BLZF1: variants seen among roughly 807,000 people sequenced by gnomAD.
The protein encoded by BLZF1 is golgin-45.
Under a neutral mutation model 43.8 loss-of-function variants are expected in BLZF1, and 39 were observed. The ratio of observed to expected loss-of-function variants is 0.89; its 90% CI spans 0.69 to 1.16. The LOEUF (loss-of-function observed/expected upper bound fraction) is 1.16, where lower values mean the gene tolerates loss of function less well. BLZF1 is among the 50% of genes most tolerant of loss of function. The probability of loss-of-function intolerance (pLI) is 0.00; values close to 1 mark genes in which losing one functional copy is unlikely to be tolerated. For synonymous variants in BLZF1, 136 were observed against 159.4 expected, an observed-to-expected ratio of 0.85 and a Z score of 1.11; for missense variants, 449 against 469.8, an observed-to-expected ratio of 0.96 and a Z score of 0.41.
chr1:169,394,535 C>T (rs1210697547), intron 7 of BLZF1, among the ~76,000 whole-genome samples: 1 of 152,106 alleles, frequency 6.6e-6, no homozygotes, highest in Non-Finnish European at 1.5e-5. Context: ...CATGAATACA[C>T]AATGTTTAGC....
At chr1:169,383,302 C>T (rs1294254222) in intron 6 of BLZF1, among the ~76,000 whole-genome samples, 2 of 152,180 alleles carry the variant, frequency 1.3e-5, no homozygotes, top group African/African-American at 4.8e-5. Flanking sequence ...TGTCCTTCCT[C>T]TTCTCCTAAG....
At chr1:169,390,598 G>A (rs888259599), downstream of BLZF1, among the ~76,000 whole-genome samples, 1 of 152,116 alleles carries the variant, frequency 6.6e-6, no homozygotes, top group African/African-American at 2.4e-5. Flanking sequence ...CTCTCATGGT[G>A]CTACAAAGAA....
chr1:169,383,367 T>C (rs906135085), intron 6 of BLZF1, among the ~76,000 whole-genome samples: 5 of 152,212 alleles, frequency 3.3e-5, no homozygotes, highest in African/African-American at 1.2e-4. Flanking sequence ...CTTCTCTCTG[T>C]TGGCTCTTTC....
chr1:169,395,181 T>C (rs755917584), intron 7 of BLZF1: 13 of 1,611,998 alleles, frequency 8.1e-6, no homozygotes, highest in Non-Finnish European at 3.4e-6. Flanking sequence ...TCTGCCATTT[T>C]TTCCATCCGT....
downstream of BLZF1, among the ~76,000 whole-genome samples, chr1:169,389,305 A>G (rs917793604): frequency 1.3e-5 from 2 of 151,904 alleles, no homozygotes; most frequent in African/African-American, 4.8e-5. Flanking sequence ...AAAAAAAAAC[A>G]AAAACAAAAA....
At chr1:169,368,666 T>C (rs1653990923) in intron 1 of BLZF1, among the ~76,000 whole-genome samples, 1 of 152,230 alleles carries the variant, frequency 6.6e-6, no homozygotes, top group African/African-American at 2.4e-5. Context: ...GGATCGTTAC[T>C]CTTACGAAGG....
chr1:169,376,503 T>A (rs751387736), intron 2 of BLZF1, 37 bp from the exon 3 acceptor site: 19 of 1,533,454 alleles, frequency 1.2e-5, no homozygotes, highest in Non-Finnish European at 1.7e-5. Context: ...GCATTTCTTC[T>A]TGGTAAGTAG....
downstream of BLZF1, among the ~76,000 whole-genome samples, chr1:169,388,863 G>A (rs1654746879): frequency 6.6e-6 from 1 of 152,150 alleles, no homozygotes; most frequent in African/African-American, 2.4e-5. Flanking sequence ...GCTCACGCCT[G>A]TAATCCCAGC....
chr1:169,376,570 C>A lies in BLZF1; in HGVS notation c.59C>A (p.Ala20Glu). The part of the protein sequence containing the change: ...VTVTSSPIRG[A>E]GDGMETEEPP... ...GTTACTTCATCCCCAATCCGAGGAGCAGGAGATGGAATGGAAACTGAGGAA... is the reference window on the plus strand; with the variant it reads ...GTTACTTCATCCCCAATCCGAGGAGAAGGAGATGGAATGGAAACTGAGGAA... Residue 20 changes from alanine to glutamate, a missense_variant, in exon 3 of 7, where the codon GCA becomes GAA. Transcript: ENST00000367808. 1 of 1,608,098 alleles carries A rather than the reference C, an allele frequency of 6.2e-7. No homozygotes were observed. The highest frequency in any genetic ancestry group is 8.5e-7 in the Non-Finnish European group (1 of 1,177,898).
chr1:169,374,797 C>T (rs1279758427), intron 2 of BLZF1, among the ~76,000 whole-genome samples: 1 of 152,048 alleles, frequency 6.6e-6, no homozygotes, highest in African/African-American at 2.4e-5. Context: ...TATCAACATC[C>T]AAAGTTTATT....
chr1:169,379,864 G>A (rs1654471774), intron 4 of BLZF1, among the ~76,000 whole-genome samples: 1 of 151,832 alleles, frequency 6.6e-6, no homozygotes, highest in African/African-American at 2.4e-5. Flanking sequence ...AAGTCTCTAA[G>A]ATAAATTATT....
intron 5 of BLZF1, 111 bp from the exon 6 acceptor site, chr1:169,381,951 C>A: frequency 1.2e-6 from 1 of 826,110 alleles, no homozygotes; most frequent in Non-Finnish European, 1.9e-6. Flanking sequence ...AGAAAGGGAT[C>A]AGAGAAAGAT....
At chr1:169,373,970 A>G (rs1654210867) in intron 2 of BLZF1, among the ~76,000 whole-genome samples, 1 of 151,456 alleles carries the variant, frequency 6.6e-6, no homozygotes, top group South Asian at 2.1e-4. Flanking sequence ...TTATTAATTT[A>G]TAGTTAATAC....
At chr1:169,381,799 G>A (rs565862746) in intron 5 of BLZF1, among the ~76,000 whole-genome samples, 1 of 152,234 alleles carries the variant, frequency 6.6e-6, no homozygotes, top group Non-Finnish European at 1.5e-5. Flanking sequence ...AATTATGTAA[G>A]TAGTTCCTAT....
intron 2 of BLZF1, 25 bp from the exon 3 acceptor site, chr1:169,376,515 T>C (rs1281554220): frequency 6.4e-7 from 1 of 1,556,828 alleles, no homozygotes; most frequent in South Asian, 1.2e-5. Flanking sequence ...GGTAAGTAGT[T>C]TCTGTTTTGT....
chr1:169,386,130 G>A (rs1003704153), intron 6 of BLZF1, among the ~76,000 whole-genome samples: 1 of 152,056 alleles, frequency 6.6e-6, no homozygotes, highest in South Asian at 2.1e-4. Flanking sequence ...AGACAGATTA[G>A]GAAAAATCAG....
intron 6 of BLZF1, 69 bp from the exon 7 acceptor site, chr1:169,386,928 C>A: frequency 9.0e-7 from 1 of 1,115,836 alleles, no homozygotes; most frequent in Non-Finnish European, 1.3e-6. Context: ...GGTAGGTATA[C>A]ATCAATGAAA....
chr1:169,375,255 G>A (rs1049258862), intron 2 of BLZF1, among the ~76,000 whole-genome samples: 2 of 150,332 alleles, frequency 1.3e-5, no homozygotes, highest in African/African-American at 4.9e-5. Context: ...TTAAGCTTAC[G>A]AAATTTATTA....
chr1:169,385,978 C>T (rs1351905627), intron 6 of BLZF1, among the ~76,000 whole-genome samples: 1 of 152,136 alleles, frequency 6.6e-6, no homozygotes, highest in Non-Finnish European at 1.5e-5. Context: ...ACCTTTGTAC[C>T]ATAACCCAAA....
Sources: allele counts gnomAD v4.1 joint callset (sites outside exome capture counted in the v4.1 genomes callset), GRCh38; gene constraint gnomAD v4.1.1; transcripts MANE v1.5; gene names NCBI Gene and HGNC (gene_info 2026-07-23, HGNC 2026-07-21).